AUTS2: variants seen among roughly 807,000 people sequenced by gnomAD.
The protein encoded by AUTS2 is autism susceptibility gene 2 protein.
In AUTS2, 17 loss-of-function variants were observed where a neutral mutation model predicts 112.4. The ratio of observed to expected loss-of-function variants is 0.15; its 90% confidence interval spans 0.10 to 0.23. AUTS2 has a LOEUF of 0.23. Among genes scored for constraint, AUTS2 ranks in the 10% least tolerant of loss-of-function variants. The pLI, the probability that AUTS2 is intolerant of heterozygous loss-of-function variation, is 1.00. For missense variants in AUTS2, 1,510 were observed against 1,701.6 expected (o/e 0.89, Z 1.98); for synonymous variants, 751 against 702.7 (o/e 1.07, Z -1.09).
intron 1 of AUTS2, among the ~76,000 whole-genome samples, chr7:69,664,681 A>G (rs1389711284): frequency 1.3e-5 from 2 of 152,216 alleles, no homozygotes; most frequent in Non-Finnish European, 1.5e-5. Flanking sequence ...TCTATACACA[A>G]GCATTTATGT....
chr7:70,164,537 A>AT (rs922569554), intron 4 of AUTS2, among the ~76,000 whole-genome samples: 3 of 152,052 alleles, frequency 2.0e-5, no homozygotes, highest in African/African-American at 7.2e-5. Flanking sequence ...GGATTAAAAA[A>AT]TTTTTTTGAT....
At position 70,790,055 on chromosome 7, in the gene AUTS2, C is replaced by T. The variant is rs1200874136; in HGVS notation, c.2839C>T (p.Pro947Ser). ...ARVPSPYVRTPVVESARPNST... is the reference protein window; with the variant it reads ...ARVPSPYVRTSVVESARPNST... ...GGTGCCGTCTCCCTACGTGCGGACCCCGGTGGTGGAGAGTGCCAGGCCCAA... is the reference window on the plus strand; with the variant it reads ...GGTGCCGTCTCCCTACGTGCGGACCTCGGTGGTGGAGAGTGCCAGGCCCAA... Residue 947 changes from proline to serine, a missense_variant, in exon 19 of 19, where the codon CCG (proline) becomes TCG (serine). By Grantham distance (74) the Pro-to-Ser change is moderately conservative (BLOSUM62 -1). This residue lies in a region of AUTS2 where 788 missense variants were observed against 797.6 expected (regional missense o/e 0.99). Coordinates refer to ENST00000342771, the MANE Select transcript of AUTS2 (RefSeq NM_015570.4). The surrounding 1 kb of genome is among the most constrained non-coding windows in gnomAD (Gnocchi z 7.6). 6.3e-7 allele frequency: 1 copy of T among 1,578,024 alleles called. No individual in the cohort carries two copies. The highest frequency in any genetic ancestry group is 8.6e-7 in the Non-Finnish European group (1 of 1,163,630).
intron 1 of AUTS2, among the ~76,000 whole-genome samples, chr7:69,844,626 A>G (rs1224668217): frequency 8.5e-5 from 13 of 152,208 alleles, no homozygotes; most frequent in Non-Finnish European, 1.5e-5. Flanking sequence ...GGAAATATTT[A>G]AAAAGCAGAA....
chr7:70,710,378 A>T (rs544386058), intron 6 of AUTS2, among the ~76,000 whole-genome samples: 3 of 152,184 alleles, frequency 2.0e-5, no homozygotes, highest in Non-Finnish European at 4.4e-5. Flanking sequence ...TAGATAATCG[A>T]AAGAATGTCA....
At chr7:70,450,096 A>T (rs1796469298) in intron 5 of AUTS2, among the ~76,000 whole-genome samples, 1 of 152,204 alleles carries the variant, frequency 6.6e-6, no homozygotes, top group East Asian at 1.9e-4. Context: ...TGATGTTCCT[A>T]AGACTAGAAA....
At chr7:70,598,599 A>G (rs1419540413) in intron 5 of AUTS2, among the ~76,000 whole-genome samples, 1 of 152,110 alleles carries the variant, frequency 6.6e-6, no homozygotes, top group African/African-American at 2.4e-5. Flanking sequence ...ATGAGGTTTA[A>G]AAAAAGAGGG....
At chr7:70,210,426 T>C (rs1195824294) in intron 4 of AUTS2, among the ~76,000 whole-genome samples, 1 of 152,232 alleles carries the variant, frequency 6.6e-6, no homozygotes, top group Non-Finnish European at 1.5e-5. Flanking sequence ...GAGACATGTA[T>C]TAAATCACCC....
intron 4 of AUTS2, among the ~76,000 whole-genome samples, chr7:70,153,503 A>G (rs764577849): frequency 6.6e-6 from 1 of 152,236 alleles, no homozygotes; most frequent in African/African-American, 2.4e-5. Flanking sequence ...CATGACTGTC[A>G]GGATGGCTCC....
chr7:70,687,393 C>G (rs898587020), intron 5 of AUTS2, among the ~76,000 whole-genome samples: 25 of 152,152 alleles, frequency 1.6e-4, no homozygotes, highest in Admixed American at 9.8e-4. Context: ...TTTTCATTGC[C>G]TTTCTTTGCA....
intron 5 of AUTS2, among the ~76,000 whole-genome samples, chr7:70,515,707 C>G (rs377548515): frequency 6.6e-6 from 1 of 151,896 alleles, no homozygotes; most frequent in Non-Finnish European, 1.5e-5. Context: ...CTCTCTCTCT[C>G]TTTTCTCTTT....
chr7:70,091,309 G>C (rs1445270974), intron 2 of AUTS2, among the ~76,000 whole-genome samples: 4 of 151,886 alleles, frequency 2.6e-5, no homozygotes, highest in African/African-American at 7.3e-5. Flanking sequence ...TTTTCTTTAT[G>C]TTTCTTGTGC....
intron 5 of AUTS2, among the ~76,000 whole-genome samples, chr7:70,493,600 G>A (rs2116461166): frequency 6.6e-6 from 1 of 152,040 alleles, no homozygotes; most frequent in South Asian, 2.1e-4. Flanking sequence ...GAGAGCTGGG[G>A]GAAAACACAT....
intron 2 of AUTS2, among the ~76,000 whole-genome samples, chr7:69,957,415 A>T (rs1019155283): frequency 1.4e-4 from 22 of 152,058 alleles, no homozygotes; most frequent in African/African-American, 5.3e-4. Flanking sequence ...TTAATGATTT[A>T]CCTTGTCCTG....
At position 70,763,058 on chromosome 7, in the gene AUTS2, A is replaced by G. The variant is rs1302553938; in HGVS notation, c.931A>G (p.Thr311Ala). The G allele has an allele frequency of 3.1e-6, 5 of 1,614,018 alleles. No individual in the cohort carries two copies. The highest frequency in any genetic ancestry group is 3.4e-6 in the Non-Finnish European group (4 of 1,180,024). The change falls in exon 7 of 19, where the codon ACG (threonine) becomes GCG (alanine). Residue 311 changes from threonine to alanine, a missense_variant. Transcript: ENST00000342771. ...QVAQPIPQPQTEPQLRAPSPD... is the reference protein window; with the variant it reads ...QVAQPIPQPQAEPQLRAPSPD... ...CGCACAGCCAATACCCCAGCCGCAG[A>G]CGGAGCCCCAACTCCGAGCTCCTTC...
chr7:70,555,059 C>T (rs1321610088), intron 5 of AUTS2, among the ~76,000 whole-genome samples: 1 of 152,144 alleles, frequency 6.6e-6, no homozygotes, highest in Non-Finnish European at 1.5e-5. Flanking sequence ...TAAAATATGT[C>T]CTTTAGCTGA....
chr7:69,668,343 C>A (rs1182809086), intron 1 of AUTS2, among the ~76,000 whole-genome samples: 1 of 152,106 alleles, frequency 6.6e-6, no homozygotes, highest in Non-Finnish European at 1.5e-5. Flanking sequence ...TCCCAGTGGT[C>A]ATTCCCAAAA....
intron 1 of AUTS2, among the ~76,000 whole-genome samples, chr7:69,873,375 C>T (rs1793589751): frequency 6.6e-6 from 1 of 150,456 alleles, no homozygotes; most frequent in Non-Finnish European, 1.5e-5. Flanking sequence ...TGAATAAACA[C>T]CTGTAGAGAT....
intron 17 of AUTS2, chr7:70,786,771 G>C (rs185409175): frequency 3.4e-6 from 1 of 292,254 alleles, no homozygotes; most frequent in Non-Finnish European, 6.6e-6. Flanking sequence ...GCAAGGTCCT[G>C]TCTGGTCTCT....
chr7:69,931,330 A>T (rs774242969), intron 2 of AUTS2, among the ~76,000 whole-genome samples: 107 of 152,208 alleles, frequency 7.0e-4, no homozygotes, highest in Non-Finnish European at 1.2e-3. Flanking sequence ...TTTGCATAGA[A>T]TCTCTGCATT....
Sources: gnomAD v4.1 joint callset for allele counts (sites outside exome capture counted in the v4.1 genomes callset) on GRCh38, gnomAD v4.1.1 for gene constraint, gnomAD v4.1.1 regional missense constraint, Gnocchi (gnomAD v3.1) non-coding constraint, MANE v1.5 for transcripts, NCBI Gene and HGNC (gene_info 2026-07-23, HGNC 2026-07-21) for gene names.